PIK3R6: variants seen among roughly 807,000 people sequenced by gnomAD.
PIK3R6 encodes phosphoinositide-3-kinase regulatory subunit 6, also known as phosphoinositide 3-kinase regulatory subunit 6.
A neutral mutation model predicts 84.9 loss-of-function variants in PIK3R6; 91 were observed. That is an observed-to-expected ratio of 1.07 (90% CI 0.90 to 1.28). PIK3R6 has a LOEUF of 1.28. PIK3R6 is among the 50% of genes most tolerant of loss of function. The probability of loss-of-function intolerance (pLI) is 0.00; values close to 1 mark genes in which losing one functional copy is unlikely to be tolerated. For missense variants in PIK3R6, 996 were observed against 985.1 expected, an observed-to-expected ratio of 1.01 and a Z score of -0.15; for synonymous variants, 416 against 411.4, an observed-to-expected ratio of 1.01 and a Z score of -0.13.
At chr17:8,825,181 G>C (rs1011517968) in intron 13 of PIK3R6, among the ~76,000 whole-genome samples, 1 of 152,102 alleles carries the variant, frequency 6.6e-6, no homozygotes, top group African/African-American at 2.4e-5. Flanking sequence ...TATACTGAGG[G>C]ATATATAAGG....
At chr17:8,858,346 T>C (rs1247316850) in intron 1 of PIK3R6, among the ~76,000 whole-genome samples, 1 of 149,660 alleles carries the variant, frequency 6.7e-6, no homozygotes, top group Non-Finnish European at 1.5e-5. Context: ...GAGACAGTTT[T>C]GCTCTTGTCG....
Position 8,803,855 on chromosome 17 carries a change from C to A in PIK3R6, c.2108+186G>T. On this transcript the variant is annotated intron_variant, in intron 19 of 19. Transcript: ENST00000619866. The surrounding 1 kb of genome is among the most constrained non-coding windows in gnomAD (Gnocchi z 5.0). ...CCCTGGGTATGCCATTCATTTGCCT[C>A]GACTTCCTGGATCCAAAGCATAGGG... The A allele has an allele frequency of 1.6e-6, 1 of 610,440 alleles. No homozygotes were observed. The allele number at this position is 610,440 out of a possible 1,614,324, so 37.8% of individuals were successfully genotyped here.
intron 1 of PIK3R6, among the ~76,000 whole-genome samples, chr17:8,861,181 C>CAAAAAAA (rs35125812): frequency 1.0e-5 from 1 of 95,660 alleles, no homozygotes; most frequent in Non-Finnish European, 2.1e-5. Context: ...GACTCTGTCT[C>CAAAAAAA]AAAAAAAAAA....
At chr17:8,837,000 G>A (rs552277411) in intron 5 of PIK3R6, 77 bp from the exon 6 acceptor site, 59 of 1,087,194 alleles carry the variant, frequency 5.4e-5, no homozygotes, top group South Asian at 2.8e-4. Context: ...GAAGGGTCCC[G>A]GGGGAGTTTC....
chr17:8,829,405 TACAC>T (rs199737609), intron 10 of PIK3R6, among the ~76,000 whole-genome samples: 5 of 122,358 alleles, frequency 4.1e-5, no homozygotes, highest in Non-Finnish European at 6.9e-5. Context: ...CATGCACACA[TACAC>T]ACAGACACAC....
intron 18 of PIK3R6, among the ~76,000 whole-genome samples, chr17:8,816,884 T>C (rs980509583): frequency 1.3e-5 from 2 of 152,220 alleles, no homozygotes; most frequent in African/African-American, 4.8e-5. Context: ...CCTGACTGAA[T>C]GATTTCACTT....
At position 8,804,065 on chromosome 17, in the gene PIK3R6, T is replaced by C. The variant is rs2087125548; in HGVS notation, c.2084A>G (p.Gln695Arg). 1.9e-6 allele frequency: 3 copies of C among 1,614,008 alleles called. No homozygotes were observed. Among genetic ancestry groups the C allele is most frequent in the Non-Finnish European group, 2.5e-6 (3 of 1,179,844 alleles). ...CCTGACCACATCCCTGAAAGTGCGT[T>C]GATCGTCCTTGTCCAGCGACAGTGT... is the stretch of plus-strand genomic sequence containing the variant. ...LLTLSLDKDD[Q>R]RTFRDVVRFE... is the part of the protein sequence containing the mutation. The change falls in exon 19 of 20, where the codon CAA (glutamine) becomes CGA (arginine). Residue 695 changes from glutamine to arginine, a missense_variant. Physicochemically the swap from Gln to Arg is conservative, Grantham distance 43. Coordinates refer to ENST00000619866, the MANE Select transcript of PIK3R6 (RefSeq NM_001010855.4).
In PIK3R6 at chr17:8,834,879, C is replaced by T. The variant is rs552575765; in HGVS notation, c.645+394G>A. 4.6e-5 allele frequency among the ~76,000 whole-genome samples: 7 copies of T among 152,030 alleles called. No homozygotes were observed. In the South Asian group the frequency reaches 1.5e-3, roughly 32 times the overall value. ...TGGAAATGGAGTCTCTCTCTGTCAC[C>T]CAGGCTGGAGTGCAGTGGCACAATC... On this transcript the variant is annotated intron_variant, in intron 8 of 19. Coordinates refer to ENST00000619866, the MANE Select transcript of PIK3R6 (RefSeq NM_001010855.4).
chr17:8,829,192 TACAC>T (rs1555532931), intron 10 of PIK3R6, among the ~76,000 whole-genome samples: 8 of 146,334 alleles, frequency 5.5e-5, no homozygotes, highest in East Asian at 2.0e-4. Flanking sequence ...CAGACAGACA[TACAC>T]ACACGTGCAC....
At chr17:8,825,793 G>A (rs183486807) in intron 13 of PIK3R6, among the ~76,000 whole-genome samples, 44 of 152,268 alleles carry the variant, frequency 2.9e-4, no homozygotes, top group African/African-American at 1.0e-3. Flanking sequence ...GACTCCAAAG[G>A]CAGAAACTGT....
intron 1 of PIK3R6, among the ~76,000 whole-genome samples, chr17:8,855,359 T>A (rs1280062994): frequency 6.6e-6 from 1 of 150,414 alleles, no homozygotes; most frequent in Non-Finnish European, 1.5e-5. Flanking sequence ...CTCTCAAAAT[T>A]CAACAGTAAG....
At position 8,837,459 on chromosome 17, in the gene PIK3R6, C is replaced by T. The variant is rs146393933; in HGVS notation, c.258+344G>A. On this transcript the variant is annotated intron_variant, in intron 5 of 19. Transcript: ENST00000619866. ...GCCTGCCTTAACCACCACTCCCACC[C>T]GCTGCAACAACACGCAGCTCCCGAT... Among the ~76,000 whole-genome samples, 366 of 152,292 alleles carry T rather than the reference C, an allele frequency of 2.4e-3. 2 individuals are homozygous for T. Among genetic ancestry groups the T allele is most frequent in the African/African-American group, 8.3e-3 (346 of 41,554 alleles).
At position 8,834,208 on chromosome 17, in the gene PIK3R6, G is replaced by T. The variant is rs939662987; in HGVS notation, c.645+1065C>A. ...GAGTCGTGCAGGTATCTAAGAGAAC[G>T]TTCCAAGCATAGGGAGTAGCCAGCG... On this transcript the variant is annotated intron_variant, in intron 8 of 19. Coordinates refer to ENST00000619866, the MANE Select transcript of PIK3R6 (RefSeq NM_001010855.4). 5.3e-5 allele frequency among the ~76,000 whole-genome samples: 8 copies of T among 150,392 alleles called. No homozygotes were observed. The East Asian group carries it at 1.6e-3, about 30-fold the overall frequency.
At position 8,844,011 on chromosome 17, in the gene PIK3R6, C is replaced by T. The variant is rs116656498; in HGVS notation, c.14-4314G>A. Among the ~76,000 whole-genome samples the T allele has an allele frequency of 2.2e-3, 331 of 152,260 alleles. 2 individuals are homozygous for T. Among genetic ancestry groups the T allele is most frequent in the African/African-American group, 7.7e-3 (319 of 41,558 alleles). On this transcript the variant is annotated intron_variant, in intron 2 of 19. Coordinates refer to ENST00000619866, the MANE Select transcript of PIK3R6 (RefSeq NM_001010855.4). The surrounding 1 kb of genome is among the most constrained non-coding windows in gnomAD (Gnocchi z 4.5). ...AGCCCAAGGGTGGAGGTTGGATTCCCTAAGACTGTGAACGCACAAGGGATA... is the reference window on the plus strand; with the variant it reads ...AGCCCAAGGGTGGAGGTTGGATTCCTTAAGACTGTGAACGCACAAGGGATA...
chr17:8,819,938 T>TATATATATATATA, intron 17 of PIK3R6, among the ~76,000 whole-genome samples: 1 of 115,142 alleles, frequency 8.7e-6, no homozygotes, highest in South Asian at 2.7e-4. Context: ...TATATATATA[T>TATATATATATATA]TTTTATATAT....
At position 8,835,898 on chromosome 17, in the gene PIK3R6, C is replaced by A. The variant is rs918587256; in HGVS notation, c.462-442G>T. On this transcript the variant is annotated intron_variant, in intron 7 of 19. Coordinates refer to ENST00000619866, the MANE Select transcript of PIK3R6 (RefSeq NM_001010855.4). ...GAGCCAACCTCCCCTACTCCCTCCT[C>A]CTCACCCACTGTGTCTCCCCACCTC... Among the ~76,000 whole-genome samples, 8 of 152,150 alleles carry A rather than the reference C, an allele frequency of 5.3e-5. 1 individual carries two copies. Among genetic ancestry groups the A allele is most frequent in the Admixed American group, 2.6e-4 (4 of 15,282 alleles).
At position 8,840,666 on chromosome 17, in the gene PIK3R6, A is replaced by AAT. The variant is rs964575764; in HGVS notation, c.14-971_14-970dup. ...ATATATATCCTCCAAATATATATGA[A>AAT]ATATATATATATAAAATATATATAT... On this transcript the variant is annotated intron_variant, in intron 2 of 19. Transcript: ENST00000619866. 7.3e-3 allele frequency among the ~76,000 whole-genome samples: 1,082 copies of AAT among 147,394 alleles called. 11 individuals carry two copies. The highest frequency in any genetic ancestry group is 0.025 in the African/African-American group (1,031 of 40,542).
rs2088155555 is a variant in PIK3R6, at chr17:8,829,601, TACACACACTG to T, written c.889+95_889+104del. The T allele has an allele frequency of 8.9e-6, 10 of 1,126,190 alleles. No homozygotes were observed. In the South Asian group the frequency reaches 9.8e-5, roughly 11 times the overall value. 69.8% of individuals were successfully genotyped at this position (1,126,190 alleles called of 1,614,324 possible). On this transcript the variant is annotated intron_variant, in intron 10 of 19. Transcript: ENST00000619866. ...AGACACACTGACACACACTCATGCA[TACACACACTG>T]ACACACGCATGCACACTGACACACA...
intron 18 of PIK3R6, among the ~76,000 whole-genome samples, chr17:8,804,976 A>T (rs566283941): frequency 1.3e-5 from 2 of 152,390 alleles, no homozygotes; most frequent in East Asian, 1.9e-4. Context: ...TCCTGAGTGT[A>T]GGCAGGGCTG....
Sources: allele counts gnomAD v4.1 joint callset (sites outside exome capture counted in the v4.1 genomes callset), GRCh38; gene constraint gnomAD v4.1.1; non-coding constraint Gnocchi (gnomAD v3.1); transcripts MANE v1.5; gene names NCBI Gene and HGNC (gene_info 2026-07-23, HGNC 2026-07-21).